PLD5: variants seen among roughly 807,000 people sequenced by gnomAD.
The protein encoded by PLD5 is inactive phospholipase D5.
PLD5 carries 36 observed loss-of-function variants against 61.1 expected under a neutral mutation model. The ratio of observed to expected loss-of-function variants is 0.59; its 90% CI spans 0.45 to 0.78. The LOEUF (loss-of-function observed/expected upper bound fraction) is 0.78, where lower values mean the gene tolerates loss of function less well. PLD5 is among the 30% of genes least tolerant of loss of function. PLD5 has a pLI of 0.00. For synonymous variants in PLD5, 243 were observed against 242.8 expected (o/e 1.00, Z -0.01); for missense variants, 515 against 644.4 (o/e 0.80, Z 2.17).
intron 1 of PLD5, among the ~76,000 whole-genome samples, chr1:242,361,596 T>TAGCATC (rs1207091452): frequency 1.3e-5 from 2 of 152,206 alleles, no homozygotes. Context: ...TGCTATTACA[T>TAGCATC]AGCATCAGCA....
chr1:242,420,769 C>G (rs73133749), intron 1 of PLD5, among the ~76,000 whole-genome samples: 1 of 152,048 alleles, frequency 6.6e-6, no homozygotes. Context: ...CTCAAAGGTT[C>G]GAGAAATTCC....
chr1:242,524,226 G>C lies in PLD5; in HGVS notation c.51C>G (p.Phe17Leu), dbSNP rs892939595. The C allele has an allele frequency of 6.5e-6, 10 of 1,529,026 alleles. No individual in the cohort carries two copies. The African/African-American group carries it at 1.2e-4, about 19-fold the overall frequency. The allele number at this position is 1,529,026 out of a possible 1,614,324, so 94.7% of individuals were successfully genotyped here. ...GGCGGCTTTTGAGCCTCATCTGCTCGAAGCCCTCATGGGGGGAGGCCGAGA... is the reference window on the plus strand; with the variant it reads ...GGCGGCTTTTGAGCCTCATCTGCTCCAAGCCCTCATGGGGGGAGGCCGAGA... ...EWLSASPHEG[F>L]EQMRLKSRPK... The change falls in exon 1 of 10, where the codon TTC becomes TTG. Residue 17 changes from phenylalanine (F) to leucine (L), a missense_variant. By Grantham distance (22) the Phe-to-Leu change is conservative (BLOSUM62 0). Around this residue, in one of 2 missense-constraint regions of PLD5, gnomAD observed 65 missense variants for 46.3 expected, o/e 1.40. Coordinates refer to ENST00000536534, the MANE Select transcript of PLD5 (RefSeq NM_001372062.1).
At chr1:242,171,737 G>A (rs1479799584) in intron 5 of PLD5, among the ~76,000 whole-genome samples, 1 of 150,510 alleles carries the variant, frequency 6.6e-6, no homozygotes, top group South Asian at 2.1e-4. Context: ...AAGAGCAGGA[G>A]TTGCAATCCT....
chr1:242,301,867 T>G (rs1439137829), intron 2 of PLD5, among the ~76,000 whole-genome samples: 2 of 151,692 alleles, frequency 1.3e-5, no homozygotes, highest in Non-Finnish European at 1.5e-5. Context: ...AACCTCCACC[T>G]CCCGGGTTCA....
intron 1 of PLD5, among the ~76,000 whole-genome samples, chr1:242,356,941 G>A (rs545003335): frequency 6.5e-4 from 99 of 151,722 alleles, no homozygotes; most frequent in Admixed American, 2.4e-3. Context: ...CATTACACTA[G>A]GGATAAAATT....
At chr1:242,392,535 T>C (rs916920408) in intron 1 of PLD5, among the ~76,000 whole-genome samples, 1 of 152,220 alleles carries the variant, frequency 6.6e-6, no homozygotes, top group African/African-American at 2.4e-5. Context: ...CAAAGCTCTG[T>C]CTGCAGTGAG....
chr1:242,486,618 G>A (rs1234909363), intron 1 of PLD5, among the ~76,000 whole-genome samples: 3 of 152,206 alleles, frequency 2.0e-5, no homozygotes, highest in Non-Finnish European at 1.5e-5. Flanking sequence ...TGCTGAGACT[G>A]TAAACTAGTT....
At chr1:242,485,365 A>G (rs977904132) in intron 1 of PLD5, among the ~76,000 whole-genome samples, 38 of 152,156 alleles carry the variant, frequency 2.5e-4, no homozygotes, top group African/African-American at 8.9e-4. Flanking sequence ...CTTCAGCAAA[A>G]TCTCAGGATA....
In PLD5 at chr1:242,265,442, G is replaced by A. The variant is rs202027708; in HGVS notation, c.502C>T (p.Arg168Cys). 5 of 1,602,912 alleles carry A rather than the reference G, an allele frequency of 3.1e-6. No homozygotes were observed. Among genetic ancestry groups the A allele is most frequent in the Non-Finnish European group, 4.3e-6 (5 of 1,174,448 alleles). ...AGCTGGAGCAACTTTTCAAAAAGACGTTGACCCTGGAAAAAATATTCAGAG... is the reference window on the plus strand; with the variant it reads ...AGCTGGAGCAACTTTTCAAAAAGACATTGACCCTGGAAAAAATATTCAGAG... ...HTHPSACQGQ[R>C]LFEKLLQLTS... The change falls in exon 4 of 10, where the codon CGT (arginine) becomes TGT (cysteine). Residue 168 changes from arginine (R) to cysteine (C), a missense_variant. Arg to Cys is a radical substitution (Grantham distance 180). This residue lies in a region of PLD5 where 450 missense variants were observed against 598.1 expected (regional missense o/e 0.75). Coordinates refer to ENST00000536534, the MANE Select transcript of PLD5 (RefSeq NM_001372062.1).
intron 1 of PLD5, among the ~76,000 whole-genome samples, chr1:242,464,563 A>G (rs1254381288): frequency 6.6e-6 from 1 of 152,232 alleles, no homozygotes; most frequent in Non-Finnish European, 1.5e-5. Context: ...TTCTGGTGAG[A>G]CTATAAAATA....
chr1:242,352,629 G>A (rs1382230219), intron 1 of PLD5, among the ~76,000 whole-genome samples: 1 of 152,112 alleles, frequency 6.6e-6, no homozygotes, highest in Admixed American at 6.5e-5. Flanking sequence ...TCTCCATACA[G>A]TTTTCTATAA....
rs374063190 is a variant in PLD5, at chr1:242,393,520, A to G, written c.190-45278T>C. On this transcript the variant is annotated intron_variant, in intron 1 of 9. Transcript: ENST00000536534. ...TATGTGTATATATGAGTATATATAT[A>G]TGTGTATATATGTGAGTATATATAT... Among the ~76,000 whole-genome samples the G allele has an allele frequency of 8.2e-5, 6 of 73,068 alleles. 1 individual carries two copies. The highest frequency in any genetic ancestry group is 8.0e-4 in the East Asian group (2 of 2,510). The allele number at this position is 73,068 out of a possible 152,430, so 47.9% of individuals were successfully genotyped here.
intron 1 of PLD5, among the ~76,000 whole-genome samples, chr1:242,506,504 AG>A (rs1407597541): frequency 6.6e-6 from 1 of 152,168 alleles, no homozygotes; most frequent in Non-Finnish European, 1.5e-5. Flanking sequence ...TGAGCTTCCT[AG>A]GAAAAAAAAT....
chr1:242,456,052 C>T (rs1325332382), intron 1 of PLD5, among the ~76,000 whole-genome samples: 2 of 152,246 alleles, frequency 1.3e-5, no homozygotes, highest in Non-Finnish European at 2.9e-5. Context: ...AGGATGGGAA[C>T]ATATTTTATT....
chr1:242,161,365 G>A (rs890970907), intron 5 of PLD5, among the ~76,000 whole-genome samples: 2 of 151,880 alleles, frequency 1.3e-5, no homozygotes, highest in African/African-American at 2.4e-5. Flanking sequence ...GGAAAGACCC[G>A]CCCTCCCACG....
At chr1:242,330,855 G>A (rs1423303223) in intron 2 of PLD5, among the ~76,000 whole-genome samples, 1 of 152,124 alleles carries the variant, frequency 6.6e-6, no homozygotes, top group Non-Finnish European at 1.5e-5. Context: ...CATCTTAGAT[G>A]ATCTCATAGT....
At chr1:242,435,302 G>A (rs1016626741) in intron 1 of PLD5, among the ~76,000 whole-genome samples, 2 of 149,272 alleles carry the variant, frequency 1.3e-5, no homozygotes, top group African/African-American at 5.2e-5. Flanking sequence ...GCTCCCAGTT[G>A]AGGTCAAACA....
intron 4 of PLD5, among the ~76,000 whole-genome samples, chr1:242,257,409 G>A (rs1457407285): frequency 5.3e-5 from 8 of 152,152 alleles, no homozygotes; most frequent in African/African-American, 1.9e-4. Flanking sequence ...AGCTGAGCAG[G>A]ACTGTGTTAA....
chr1:242,279,807 C>T (rs1469819939), intron 3 of PLD5, among the ~76,000 whole-genome samples: 1 of 152,240 alleles, frequency 6.6e-6, no homozygotes, highest in African/African-American at 2.4e-5. Flanking sequence ...GCTGGGATTA[C>T]AGGCGTTGGC....
Sources: allele counts gnomAD v4.1 joint callset (sites outside exome capture counted in the v4.1 genomes callset), GRCh38; gene constraint gnomAD v4.1.1; regional missense constraint gnomAD v4.1.1; transcripts MANE v1.5; gene names NCBI Gene and HGNC (gene_info 2026-07-23, HGNC 2026-07-21).